The following WASF1 variants were observed in gnomAD, a reference collection of about 807,000 sequenced individuals.
The protein encoded by WASF1 is actin-binding protein WASF1.
In WASF1, 7 loss-of-function variants were observed where a neutral mutation model predicts 50.5. That is an observed-to-expected ratio of 0.14 (90% CI 0.08 to 0.26). The LOEUF (loss-of-function observed/expected upper bound fraction) is 0.26. Ranked by LOEUF, WASF1 falls within the 10% of genes least tolerant of loss-of-function variation. The pLI is 1.00. For missense variants in WASF1, 470 were observed against 694.7 expected, an observed-to-expected ratio of 0.68 and a Z score of 3.64; for synonymous variants, 205 against 244.0, an observed-to-expected ratio of 0.84 and a Z score of 1.49.
At chr6:110,139,921 C>T (rs915800302) in intron 3 of WASF1, among the ~76,000 whole-genome samples, 9 of 152,130 alleles carry the variant, frequency 5.9e-5, no homozygotes, top group East Asian at 3.8e-4. Context: ...TATGACCTCT[C>T]GCTCTCTCAA....
At chr6:110,136,972 GT>G (rs996577636) in intron 3 of WASF1, among the ~76,000 whole-genome samples, 2 of 152,070 alleles carry the variant, frequency 1.3e-5, no homozygotes, top group African/African-American at 4.8e-5. Flanking sequence ...ACTTGTCTCA[GT>G]TTGTAATTAT....
At chr6:110,137,079 T>C (rs939278464) in intron 3 of WASF1, among the ~76,000 whole-genome samples, 1 of 152,232 alleles carries the variant, frequency 6.6e-6, no homozygotes, top group African/African-American at 2.4e-5. Flanking sequence ...GCTTGGCACA[T>C]AAGAAATGTT....
chr6:110,113,103 TTA>T (rs1773641298), intron 5 of WASF1, among the ~76,000 whole-genome samples: 1 of 152,036 alleles, frequency 6.6e-6, no homozygotes, highest in Non-Finnish European at 1.5e-5. Flanking sequence ...TAGGAGCTGT[TTA>T]GTGTACAAAA....
chr6:110,108,650 A>C lies in WASF1; in HGVS notation c.300T>G (p.Ala100=). 1 of 1,614,068 alleles carries C rather than the reference A, an allele frequency of 6.2e-7. No individual in the cohort carries two copies. The highest frequency in any genetic ancestry group is 8.5e-7 in the Non-Finnish European group (1 of 1,179,956). ...LSLQDITMRK[A]FRSSTIQDQQ... The stretch of plus-strand genomic sequence containing the variant: ...GGTCTTGAATTGTAGAACTTCGGAA[A>C]GCTTTCCTCATTGTTATATCTTGCA... Residue 100 remains alanine, a synonymous_variant, in exon 6 of 11, where the codon GCT becomes GCG. Transcript: ENST00000392589.
chr6:110,138,607 T>C (rs1246389295), intron 3 of WASF1, among the ~76,000 whole-genome samples: 1 of 152,154 alleles, frequency 6.6e-6, no homozygotes, highest in African/African-American at 2.4e-5. Flanking sequence ...AGTGTCCAGC[T>C]CTCAGCAGAG....
At chr6:110,149,372 G>C (rs1327892037) in intron 3 of WASF1, among the ~76,000 whole-genome samples, 1 of 151,180 alleles carries the variant, frequency 6.6e-6, no homozygotes, top group Non-Finnish European at 1.5e-5. Flanking sequence ...CTAGAATAGA[G>C]AGCCAGGGTA....
intron 10 of WASF1, among the ~76,000 whole-genome samples, chr6:110,100,926 T>TC (rs1773054836): frequency 2.0e-5 from 3 of 152,216 alleles, no homozygotes; most frequent in Admixed American, 6.5e-5. Flanking sequence ...CATGGTCTAC[T>TC]ATACCTCCCT....
At chr6:110,151,785 T>C (rs1202608995) in intron 3 of WASF1, among the ~76,000 whole-genome samples, 4 of 152,108 alleles carry the variant, frequency 2.6e-5, no homozygotes, top group African/African-American at 4.8e-5. Flanking sequence ...TTAAAAAATA[T>C]AGAAAAAGTG....
chr6:110,131,064 A>G (rs567987494), intron 3 of WASF1, among the ~76,000 whole-genome samples: 1 of 152,276 alleles, frequency 6.6e-6, no homozygotes, highest in East Asian at 1.9e-4. Flanking sequence ...GAAACACTAG[A>G]TATGAGCCAT....
chr6:110,113,971 T>C (rs893260393), intron 4 of WASF1, among the ~76,000 whole-genome samples: 3 of 152,170 alleles, frequency 2.0e-5, no homozygotes, highest in Non-Finnish European at 4.4e-5. Flanking sequence ...TGGAAAGATA[T>C]ATTAGGTTGG....
chr6:110,153,136 GTC>G (rs1427645217), intron 3 of WASF1, among the ~76,000 whole-genome samples: 1 of 152,120 alleles, frequency 6.6e-6, no homozygotes, highest in Non-Finnish European at 1.5e-5. Context: ...TTTTATACAA[GTC>G]TCTATGTGGA....
intron 3 of WASF1, among the ~76,000 whole-genome samples, chr6:110,151,581 A>G (rs779519644): frequency 1.3e-5 from 2 of 152,196 alleles, no homozygotes; most frequent in African/African-American, 2.4e-5. Context: ...ACATTCATTC[A>G]TCTCTTGCAC....
chr6:110,130,463 G>A (rs543469995), intron 3 of WASF1, among the ~76,000 whole-genome samples: 1 of 152,052 alleles, frequency 6.6e-6, no homozygotes, highest in Non-Finnish European at 1.5e-5. Flanking sequence ...GCTTTTTGAA[G>A]TTTATATAGA....
At chr6:110,124,074 G>C (rs905151604) in intron 4 of WASF1, among the ~76,000 whole-genome samples, 45 of 151,718 alleles carry the variant, frequency 3.0e-4, no homozygotes, top group African/African-American at 9.7e-4. Context: ...AACTTGCACA[G>C]GGGGCTTGCT....
At chr6:110,133,678 T>A (rs1225872414) in intron 3 of WASF1, among the ~76,000 whole-genome samples, 1 of 152,164 alleles carries the variant, frequency 6.6e-6, no homozygotes, top group Non-Finnish European at 1.5e-5. Flanking sequence ...CACTCGTATA[T>A]CTTCTTTGGA....
At chr6:110,108,312 G>A (rs984923064) in intron 6 of WASF1, among the ~76,000 whole-genome samples, 1 of 151,962 alleles carries the variant, frequency 6.6e-6, no homozygotes, top group African/African-American at 2.4e-5. Context: ...TTCTAAACTT[G>A]TAAAAACAAC....
intron 2 of WASF1, 111 bp from the exon 3 acceptor site, chr6:110,160,843 C>T (rs1314171924): frequency 6.6e-6 from 1 of 151,448 alleles, no homozygotes; most frequent in Non-Finnish European, 1.5e-5. Context: ...AACATGAGGC[C>T]TGAGGAGTAA....
At chr6:110,142,463 T>C (rs528693955) in intron 3 of WASF1, among the ~76,000 whole-genome samples, 19 of 152,310 alleles carry the variant, frequency 1.2e-4, no homozygotes, top group Non-Finnish European at 2.8e-4. Context: ...TGATTTCTAA[T>C]GTCATTTATC....
chr6:110,116,107 C>T (rs1438043181), intron 4 of WASF1, among the ~76,000 whole-genome samples: 7 of 152,134 alleles, frequency 4.6e-5, no homozygotes, highest in African/African-American at 9.7e-5. Flanking sequence ...CAGCTCCCAG[C>T]GAAACTGATG....
Sources: gnomAD v4.1 joint callset for allele counts (sites outside exome capture counted in the v4.1 genomes callset) on GRCh38, gnomAD v4.1.1 for gene constraint, MANE v1.5 for transcripts, NCBI Gene and HGNC (gene_info 2026-07-23, HGNC 2026-07-21) for gene names.